Variants in SAMD12 observed in about 807,000 individuals in gnomAD.
The protein encoded by SAMD12 is sterile alpha motif domain-containing protein 12.
A neutral mutation model predicts 15.0 loss-of-function variants in SAMD12; 9 were observed. That is an observed-to-expected ratio of 0.60 (90% confidence interval 0.36 to 1.05). SAMD12 has a LOEUF of 1.05. Among genes scored for constraint, SAMD12 ranks in the 50% least tolerant of loss-of-function variants. SAMD12 has a pLI of 0.01. For synonymous variants in SAMD12, 86 were observed against 90.1 expected, an observed-to-expected ratio of 0.96 and a Z score of 0.25; for missense variants, 230 against 234.2, an observed-to-expected ratio of 0.98 and a Z score of 0.12.
intron 4 of SAMD12, among the ~76,000 whole-genome samples, chr8:118,278,561 A>G (rs1339562552): frequency 6.6e-6 from 1 of 152,186 alleles, no homozygotes; most frequent in African/African-American, 2.4e-5. Context: ...TGCTGCTGTT[A>G]AGTACAGATT....
chr8:118,508,188 T>C (rs1824976241), intron 2 of SAMD12, among the ~76,000 whole-genome samples: 1 of 141,200 alleles, frequency 7.1e-6, no homozygotes, highest in African/African-American at 2.7e-5. Flanking sequence ...AATTGAACGA[T>C]GAGAACACTT....
intron 2 of SAMD12, among the ~76,000 whole-genome samples, chr8:118,579,274 C>A (rs929289123): frequency 3.9e-5 from 6 of 152,146 alleles, no homozygotes; most frequent in African/African-American, 1.2e-4. Context: ...GTCTGTTTAT[C>A]TTCCTAAAGA....
At chr8:118,215,733 T>C (rs370623975) in intron 4 of SAMD12, among the ~76,000 whole-genome samples, 3 of 151,896 alleles carry the variant, frequency 2.0e-5, no homozygotes, top group Admixed American at 6.6e-5. Context: ...TTTGTTCTTG[T>C]GATAGTTTAC....
At chr8:118,599,883 G>A (rs1022639454) in intron 1 of SAMD12, among the ~76,000 whole-genome samples, 1 of 152,066 alleles carries the variant, frequency 6.6e-6, no homozygotes, top group African/African-American at 2.4e-5. Context: ...GAGCAAAAGG[G>A]AAGCCAATAG....
At chr8:118,414,909 G>C (rs950921499) in intron 3 of SAMD12, among the ~76,000 whole-genome samples, 1 of 150,336 alleles carries the variant, frequency 6.7e-6, no homozygotes, top group Non-Finnish European at 1.5e-5. Flanking sequence ...CACAGAGTGG[G>C]ACACTTAATA....
At chr8:118,133,228 TC>T in the SAMD12 span, among the ~76,000 whole-genome samples, 1 of 151,788 alleles carries the variant, frequency 6.6e-6, no homozygotes, top group Non-Finnish European at 1.5e-5. Context: ...GCTCAGTGCC[TC>T]ATGTAGAAGG....
intron 1 of SAMD12, among the ~76,000 whole-genome samples, chr8:118,593,414 T>C (rs1827636775): frequency 6.6e-6 from 1 of 152,212 alleles, no homozygotes; most frequent in Non-Finnish European, 1.5e-5. Context: ...GTGGTATTAC[T>C]AATAACAGCT....
At chr8:118,342,533 G>A (rs1406375943) in intron 4 of SAMD12, among the ~76,000 whole-genome samples, 1 of 152,110 alleles carries the variant, frequency 6.6e-6, no homozygotes, top group Non-Finnish European at 1.5e-5. Flanking sequence ...GTCCGATAAA[G>A]AATATAGTGA....
chr8:118,393,827 C>T (rs898070640), intron 3 of SAMD12, among the ~76,000 whole-genome samples: 1 of 152,082 alleles, frequency 6.6e-6, no homozygotes. Flanking sequence ...TTCTTGAACT[C>T]CTCACCTCAG....
At chr8:118,446,226 A>G (rs1488331284) in intron 2 of SAMD12, among the ~76,000 whole-genome samples, 1 of 150,690 alleles carries the variant, frequency 6.6e-6, no homozygotes, top group East Asian at 1.9e-4. Context: ...TTTTTTTTAA[A>G]GGAGATAAGA....
the SAMD12 span, among the ~76,000 whole-genome samples, chr8:118,132,110 C>T: frequency 6.6e-6 from 1 of 152,060 alleles, no homozygotes; most frequent in African/African-American, 2.4e-5. Context: ...TCATATAAAA[C>T]AATACTGTTT....
At chr8:118,230,705 G>A (rs1367341253) in intron 4 of SAMD12, among the ~76,000 whole-genome samples, 1 of 151,968 alleles carries the variant, frequency 6.6e-6, no homozygotes, top group Non-Finnish European at 1.5e-5. Context: ...GGGGCAGAGG[G>A]CTCCAGGCAG....
the SAMD12 span, among the ~76,000 whole-genome samples, chr8:118,169,172 A>T: frequency 6.6e-6 from 1 of 152,114 alleles, no homozygotes; most frequent in Admixed American, 6.5e-5. Flanking sequence ...CATGTAACCA[A>T]CCTGTACATG....
In SAMD12 at chr8:118,273,832, G is replaced by A. The variant is rs537621632; in HGVS notation, c.434-76100C>T. 2.6e-5 allele frequency among the ~76,000 whole-genome samples: 4 copies of A among 152,254 alleles called. No individual in the cohort carries two copies. The South Asian group carries it at 8.3e-4, about 32-fold the overall frequency. On this transcript the variant is annotated intron_variant, in intron 4 of 4. Coordinates refer to the SAMD12 transcript ENST00000409003. ...TGTATCCTGTGGAAATAGCATCATG[G>A]AAACAAGTACAGTCCTCAGGTAGGA...
At chr8:118,530,647 G>C (rs978578488) in intron 2 of SAMD12, among the ~76,000 whole-genome samples, 4 of 152,074 alleles carry the variant, frequency 2.6e-5, no homozygotes, top group African/African-American at 9.7e-5. Context: ...CCATTCTGTA[G>C]GTTGTCTCTT....
At chr8:118,484,056 T>G (rs191447760) in intron 2 of SAMD12, among the ~76,000 whole-genome samples, 44 of 152,150 alleles carry the variant, frequency 2.9e-4, no homozygotes, top group Non-Finnish European at 5.9e-4. Flanking sequence ...TGATATGTCA[T>G]ACAGTGATAC....
intron 4 of SAMD12, among the ~76,000 whole-genome samples, chr8:118,236,557 G>T (rs1347169644): frequency 6.6e-6 from 1 of 152,076 alleles, no homozygotes; most frequent in African/African-American, 2.4e-5. Flanking sequence ...ATAAAATAAT[G>T]GATTATTACA....
chr8:118,286,389 C>A (rs1282503204), intron 4 of SAMD12, among the ~76,000 whole-genome samples: 1 of 152,204 alleles, frequency 6.6e-6, no homozygotes, highest in South Asian at 2.1e-4. Flanking sequence ...ATGCTTGTTT[C>A]TTTGTTGGGT....
intron 3 of SAMD12, among the ~76,000 whole-genome samples, chr8:118,431,639 T>C (rs1822418392): frequency 6.6e-6 from 1 of 151,940 alleles, no homozygotes; most frequent in Admixed American, 6.6e-5. Flanking sequence ...TACATGATGT[T>C]TGTTGTTTGT....
Sources: gnomAD v4.1 joint callset for allele counts (sites outside exome capture counted in the v4.1 genomes callset) on GRCh38, gnomAD v4.1.1 for gene constraint, MANE v1.5 for transcripts, NCBI Gene and HGNC (gene_info 2026-07-23, HGNC 2026-07-21) for gene names.